Variants in BCKDHB observed in about 807,000 individuals in gnomAD.
BCKDHB encodes branched chain keto acid dehydrogenase E1 subunit beta.
In BCKDHB, 41 loss-of-function variants were observed where a neutral mutation model predicts 48.5. The ratio of observed to expected loss-of-function variants is 0.85; its 90% CI spans 0.66 to 1.10. BCKDHB has a LOEUF of 1.10. BCKDHB is among the 50% of genes least tolerant of loss of function. The probability of loss-of-function intolerance (pLI) is 0.00; values close to 1 mark genes in which losing one functional copy is unlikely to be tolerated. For missense variants in BCKDHB, 496 were observed against 494.2 expected (o/e 1.00, Z -0.03); for synonymous variants, 201 against 174.8 (o/e 1.15, Z -1.18).
intron 1 of BCKDHB, among the ~76,000 whole-genome samples, chr6:80,115,586 A>G (rs777722096): frequency 3.3e-5 from 5 of 151,750 alleles, no homozygotes; most frequent in Non-Finnish European, 7.4e-5. Flanking sequence ...ATACTTCACC[A>G]GGCATATACT....
At chr6:80,127,875 G>A (rs2063220535) in intron 2 of BCKDHB, among the ~76,000 whole-genome samples, 1 of 152,010 alleles carries the variant, frequency 6.6e-6, no homozygotes, top group African/African-American at 2.4e-5. Context: ...ATAACTTCTG[G>A]ATTAAAACCT....
intron 9 of BCKDHB, among the ~76,000 whole-genome samples, chr6:80,311,645 C>T (rs116990627): frequency 0.011 from 1,746 of 152,148 alleles, 44 homozygotes; most frequent in Admixed American, 0.065. Context: ...TTTCTGCATA[C>T]GATTAGCCAG....
intron 9 of BCKDHB, among the ~76,000 whole-genome samples, chr6:80,330,563 A>C (rs1226539566): frequency 6.6e-6 from 1 of 152,154 alleles, no homozygotes; most frequent in Admixed American, 6.5e-5. Flanking sequence ...GACACCACTT[A>C]AGAGATTTAG....
At chr6:80,301,121 T>C (rs1315137426) in intron 9 of BCKDHB, among the ~76,000 whole-genome samples, 1 of 104,540 alleles carries the variant, frequency 9.6e-6, no homozygotes, top group Non-Finnish European at 2.0e-5. Context: ...ACTTTTCACC[T>C]AAAGGAACTA....
chr6:80,419,381 G>T, the BCKDHB span, among the ~76,000 whole-genome samples: 1 of 152,158 alleles, frequency 6.6e-6, no homozygotes, highest in African/African-American at 2.4e-5. Flanking sequence ...AGCAGGGATG[G>T]CCAGGCTGGG....
At chr6:80,302,575 A>G (rs768795934) in intron 9 of BCKDHB, among the ~76,000 whole-genome samples, 9 of 152,170 alleles carry the variant, frequency 5.9e-5, no homozygotes, top group Non-Finnish European at 1.3e-4. Context: ...GGCAAAACCT[A>G]TGTTGTCAAG....
chr6:80,413,374 T>G, the BCKDHB span, among the ~76,000 whole-genome samples: 6 of 152,282 alleles, frequency 3.9e-5, no homozygotes, highest in East Asian at 1.2e-3. Context: ...TGGAGGTTTG[T>G]TTTACATATT....
chr6:80,273,854 C>T (rs1275816641), intron 9 of BCKDHB, among the ~76,000 whole-genome samples: 1 of 151,728 alleles, frequency 6.6e-6, no homozygotes. Context: ...TTACCTAAAA[C>T]CTGTATTCAA....
intron 3 of BCKDHB, among the ~76,000 whole-genome samples, chr6:80,151,805 A>C (rs546396834): frequency 6.6e-6 from 1 of 152,218 alleles, no homozygotes; most frequent in South Asian, 2.1e-4. Flanking sequence ...AAAGCTAGGC[A>C]GGTTAATTGA....
intron 9 of BCKDHB, among the ~76,000 whole-genome samples, chr6:80,334,996 A>C (rs1769499709): frequency 6.6e-6 from 1 of 151,918 alleles, no homozygotes; most frequent in African/African-American, 2.4e-5. Context: ...AAATCACTCT[A>C]TTCTGGTAGT....
the BCKDHB span, among the ~76,000 whole-genome samples, chr6:80,429,592 C>G: frequency 6.6e-6 from 1 of 152,128 alleles, no homozygotes; most frequent in Non-Finnish European, 1.5e-5. Flanking sequence ...CCTTCACATC[C>G]CTTGTAAGTT....
At chr6:80,194,822 T>A (rs923253160) in intron 6 of BCKDHB, among the ~76,000 whole-genome samples, 8 of 152,228 alleles carry the variant, frequency 5.3e-5, no homozygotes, top group African/African-American at 1.4e-4. Flanking sequence ...TTTGCCTTTT[T>A]AAAATGGTTT....
At chr6:80,171,052 T>A (rs976793435) in intron 5 of BCKDHB, among the ~76,000 whole-genome samples, 3 of 152,148 alleles carry the variant, frequency 2.0e-5, no homozygotes, top group African/African-American at 7.2e-5. Flanking sequence ...AAGAGTAGTA[T>A]CTTAGTTAAC....
intron 9 of BCKDHB, among the ~76,000 whole-genome samples, chr6:80,287,896 T>C (rs1766706400): frequency 6.6e-6 from 1 of 152,184 alleles, no homozygotes; most frequent in African/African-American, 2.4e-5. Context: ...AGCAAGCTGG[T>C]TAACTCCTTT....
chr6:80,110,889 C>G (rs933874105), intron 1 of BCKDHB, among the ~76,000 whole-genome samples: 1 of 152,284 alleles, frequency 6.6e-6, no homozygotes, highest in South Asian at 2.1e-4. Flanking sequence ...GCTGTTTTAG[C>G]CTTCCTTGGT....
the BCKDHB span, among the ~76,000 whole-genome samples, chr6:80,363,879 A>T: frequency 6.6e-6 from 1 of 152,230 alleles, no homozygotes; most frequent in Non-Finnish European, 1.5e-5. Flanking sequence ...TGGCTTGTAG[A>T]TGACTGACAT....
the BCKDHB span, among the ~76,000 whole-genome samples, chr6:80,411,473 G>A: frequency 3.2e-4 from 48 of 152,316 alleles, no homozygotes; most frequent in African/African-American, 1.1e-3. Flanking sequence ...ACGCTGTGCT[G>A]GGAGAACCAC....
chr6:80,320,039 T>A (rs187494104), intron 9 of BCKDHB, among the ~76,000 whole-genome samples: 2 of 152,240 alleles, frequency 1.3e-5, no homozygotes, highest in African/African-American at 4.8e-5. Context: ...CAAAAGGAAA[T>A]CTGAGTTATA....
chr6:80,295,406 C>G (rs917147994), intron 9 of BCKDHB, among the ~76,000 whole-genome samples: 1 of 151,810 alleles, frequency 6.6e-6, no homozygotes, highest in African/African-American at 2.4e-5. Flanking sequence ...GGGGATCTCC[C>G]CTTTATAAAA....
Sources: allele counts gnomAD v4.1 joint callset (sites outside exome capture counted in the v4.1 genomes callset), GRCh38; gene constraint gnomAD v4.1.1; transcripts MANE v1.5; gene names NCBI Gene and HGNC (gene_info 2026-07-23, HGNC 2026-07-21).